TVP23B: variants seen among roughly 807,000 people sequenced by gnomAD.
The protein encoded by TVP23B is trans-golgi network vesicle protein 23 homolog B.
In TVP23B, 10 loss-of-function variants were observed where a neutral mutation model predicts 30.6. The observed-to-expected ratio is 0.33, with a 90% confidence interval of 0.20 to 0.55. TVP23B has a LOEUF of 0.55. TVP23B is among the 20% of genes least tolerant of loss of function. TVP23B has a pLI of 0.91. For synonymous variants in TVP23B, 67 were observed against 83.1 expected, an observed-to-expected ratio of 0.81 and a Z score of 1.06; for missense variants, 153 against 243.2, an observed-to-expected ratio of 0.63 and a Z score of 2.47.
At chr17:18,785,021 T>C (rs28393020) in intron 1 of TVP23B, among the ~76,000 whole-genome samples, 67 of 152,088 alleles carry the variant, frequency 4.4e-4, no homozygotes, top group African/African-American at 1.3e-3. Flanking sequence ...GAATCTATTT[T>C]TCATCACCTC....
chr17:18,790,471 A>G (rs2035974185), intron 2 of TVP23B, among the ~76,000 whole-genome samples: 1 of 133,598 alleles, frequency 7.5e-6, no homozygotes, highest in Non-Finnish European at 1.6e-5. Flanking sequence ...CTCAAAAAAA[A>G]AAAAAAAAGA....
At position 18,797,367 on chromosome 17, in the gene TVP23B, T is replaced by A. The variant is rs915363023; in HGVS notation, c.241-212T>A. On this transcript the variant is annotated intron_variant, in intron 3 of 6. Transcript: ENST00000307767. ...TAATGTTTATGGGTGGACTTGTTGC[T>A]TGCTCTGTCACCTCTACCCCTATTA... The A allele has an allele frequency of 6.8e-6, 4 of 588,334 alleles. No homozygotes were observed. In the Admixed American group the frequency reaches 1.3e-4, roughly 19 times the overall value. The allele number at this position is 588,334 out of a possible 1,614,324, so 36.4% of individuals were successfully genotyped here. A position where few individuals can be genotyped will look rare whatever the true frequency, so the allele number is the denominator to read the frequency against.
At chr17:18,781,445 G>A (rs1258985624) in intron 1 of TVP23B, 140 bp downstream of exon 1, 11 of 1,450,338 alleles carry the variant, frequency 7.6e-6, no homozygotes, top group Admixed American at 2.3e-5. Flanking sequence ...GAGGGCTGTG[G>A]GTAGTTGTCT....
Position 18,784,897 on chromosome 17 carries a change from G to A in TVP23B, c.12+3592G>A, listed in dbSNP as rs907377094. On this transcript the variant is annotated intron_variant, in intron 1 of 6. Transcript: ENST00000307767. ...TGTCTTAGCCATCTTTATCTTTTTA[G>A]TTGTTCAGGACAAAAACTTTGGAAT... Among the ~76,000 whole-genome samples, 3 of 152,072 alleles carry A rather than the reference G, an allele frequency of 2.0e-5. No individual in the cohort carries two copies. The South Asian group carries it at 6.2e-4, about 32-fold the overall frequency.
chr17:18,783,108 C>CATTTATTTATTT (rs2035835301), intron 1 of TVP23B, among the ~76,000 whole-genome samples: 1 of 111,040 alleles, frequency 9.0e-6, no homozygotes, highest in East Asian at 2.5e-4. Flanking sequence ...TTGATTGATT[C>CATTTATTTATTT]ATTCATTCAT....
intron 5 of TVP23B, among the ~76,000 whole-genome samples, chr17:18,803,111 C>G (rs1465472161): frequency 1.3e-5 from 2 of 151,956 alleles, no homozygotes; most frequent in African/African-American, 2.4e-5. Flanking sequence ...GAGAATAAAT[C>G]TAGATTGGAA....
Position 18,791,054 on chromosome 17 carries a change from T to C in TVP23B, c.240+14T>C. 1 of 1,569,902 alleles carries C rather than the reference T, an allele frequency of 6.4e-7. No homozygotes were observed. The highest frequency in any genetic ancestry group is 2.3e-5 in the East Asian group (1 of 44,166). On this transcript the variant is annotated intron_variant, in intron 3 of 6. Transcript: ENST00000307767. ...TGGGCAGTGAAGGTAATTTTGATTG[T>C]TTTTATTTTAAAATTATATTTAATA...
chr17:18,799,092 T>C (rs537957744), intron 5 of TVP23B, 149 bp downstream of exon 5: 1 of 877,938 alleles, frequency 1.1e-6, no homozygotes, highest in African/African-American at 1.7e-5. Context: ...GCTTCCCAAC[T>C]TTACCTTTCT....
At chr17:18,783,227 T>A (rs1311231962) in intron 1 of TVP23B, among the ~76,000 whole-genome samples, 1 of 152,054 alleles carries the variant, frequency 6.6e-6, no homozygotes, top group Admixed American at 6.6e-5. Context: ...TGCCTCACCC[T>A]CCAGAGTAGC....
chr17:18,784,101 C>G (rs1401421386), intron 1 of TVP23B, among the ~76,000 whole-genome samples: 2 of 152,050 alleles, frequency 1.3e-5, no homozygotes, highest in Non-Finnish European at 2.9e-5. Context: ...GCCGAGATCG[C>G]GCCACTGCAC....
At chr17:18,803,309 C>T (rs916752296) in intron 5 of TVP23B, among the ~76,000 whole-genome samples, 4 of 152,170 alleles carry the variant, frequency 2.6e-5, no homozygotes, top group African/African-American at 9.7e-5. Context: ...TGGCTGCCTT[C>T]GGATTAGAAC....
intron 2 of TVP23B, among the ~76,000 whole-genome samples, chr17:18,789,879 A>T (rs991697677): frequency 3.3e-5 from 5 of 152,182 alleles, no homozygotes; most frequent in African/African-American, 1.2e-4. Context: ...TTCATCTTTC[A>T]TGCCAGTCAC....
intron 5 of TVP23B, among the ~76,000 whole-genome samples, chr17:18,802,493 C>T (rs923288269): frequency 1.3e-5 from 2 of 149,736 alleles, no homozygotes; most frequent in Non-Finnish European, 3.0e-5. Flanking sequence ...ATTTTTTTCT[C>T]GGGTCTTTTG....
chr17:18,791,071 T>C (rs754541845), intron 3 of TVP23B, 31 bp downstream of exon 3: 2 of 1,549,194 alleles, frequency 1.3e-6, no homozygotes. Flanking sequence ...TTTAAAATTA[T>C]ATTTAATATG....
At chr17:18,797,694 A>G in intron 4 of TVP23B, 26 bp downstream of exon 4, 2 of 1,525,066 alleles carry the variant, frequency 1.3e-6, no homozygotes, top group Non-Finnish European at 1.8e-6. Flanking sequence ...TGTTTTAAAT[A>G]ATGTTATCAG....
At chr17:18,782,785 C>A (rs796447021) in intron 1 of TVP23B, among the ~76,000 whole-genome samples, 1 of 151,462 alleles carries the variant, frequency 6.6e-6, no homozygotes, top group African/African-American at 2.4e-5. Context: ...GTAGTGAGGA[C>A]GACCAGTGGT....
At chr17:18,789,960 A>G (rs1303221201) in intron 2 of TVP23B, among the ~76,000 whole-genome samples, 5 of 152,214 alleles carry the variant, frequency 3.3e-5, no homozygotes, top group African/African-American at 4.8e-5. Context: ...GAGACAGAAG[A>G]TAGATTAGCT....
In TVP23B at chr17:18,791,081, G is replaced by A. The variant is rs1249841370; in HGVS notation, c.240+41G>A. The A allele has an allele frequency of 4.7e-6, 7 of 1,487,280 alleles. 1 individual carries two copies. The Middle Eastern group carries it at 6.1e-4, about 131-fold the overall frequency. 92.1% of individuals were successfully genotyped at this position (1,487,280 alleles called of 1,614,324 possible). On this transcript the variant is annotated intron_variant, in intron 3 of 6. Transcript: ENST00000307767. ...TTTATTTTAAAATTATATTTAATAT[G>A]AAAATGATGTATAAAAATATGAGTT...
intron 2 of TVP23B, 78 bp from the exon 3 acceptor site, chr17:18,790,818 T>C: frequency 1.3e-6 from 2 of 1,501,544 alleles, no homozygotes; most frequent in Non-Finnish European, 1.8e-6. Flanking sequence ...ACACGATGGC[T>C]AAAACATTTT....
Sources: gnomAD v4.1 joint callset for allele counts (sites outside exome capture counted in the v4.1 genomes callset) on GRCh38, gnomAD v4.1.1 for gene constraint, MANE v1.5 for transcripts, NCBI Gene and HGNC (gene_info 2026-07-23, HGNC 2026-07-21) for gene names.